DLGAP1: variants seen among roughly 807,000 people sequenced by gnomAD.
The protein encoded by DLGAP1 is disks large-associated protein 1.
Under a neutral mutation model 90.8 loss-of-function variants are expected in DLGAP1, and 11 were observed. The observed-to-expected ratio is 0.12, with a 90% CI of 0.08 to 0.20. The LOEUF (loss-of-function observed/expected upper bound fraction) is 0.20, where lower values mean the gene tolerates loss of function less well. Ranked by LOEUF, DLGAP1 falls within the 10% of genes least tolerant of loss-of-function variation. The pLI is 1.00. For synonymous variants in DLGAP1, 558 were observed against 540.7 expected (o/e 1.03, Z -0.44); for missense variants, 1,050 against 1,333.8 (o/e 0.79, Z 3.31).
At chr18:3,503,544 G>A (rs190006885) in intron 11 of DLGAP1, among the ~76,000 whole-genome samples, 222 of 152,258 alleles carry the variant, frequency 1.5e-3, no homozygotes, top group Middle Eastern at 6.8e-3. Flanking sequence ...ATGATTAGAC[G>A]GGTGGCAGCC....
At chr18:4,109,992 T>G (rs1205531075) in intron 2 of DLGAP1, among the ~76,000 whole-genome samples, 1 of 150,240 alleles carries the variant, frequency 6.7e-6, no homozygotes, top group Non-Finnish European at 1.5e-5. Flanking sequence ...GTTTCACATG[T>G]GTAGAAGATT....
At chr18:4,343,025 G>T (rs1399635888) in intron 1 of DLGAP1, among the ~76,000 whole-genome samples, 2 of 152,114 alleles carry the variant, frequency 1.3e-5, no homozygotes, top group East Asian at 3.9e-4. Context: ...TTGGATTATG[G>T]GGCCGGGCGC....
At chr18:3,944,856 A>C (rs1330444061) in intron 3 of DLGAP1, among the ~76,000 whole-genome samples, 1 of 152,220 alleles carries the variant, frequency 6.6e-6, no homozygotes, top group Non-Finnish European at 1.5e-5. Flanking sequence ...CTTCCGCAAA[A>C]AAAACGATGA....
chr18:4,362,058 G>A (rs1003396963), intron 1 of DLGAP1, among the ~76,000 whole-genome samples: 1 of 152,150 alleles, frequency 6.6e-6, no homozygotes. Flanking sequence ...TATTGGGATG[G>A]CTACTATAAA....
At chr18:3,644,503 CGGGTTCAA>C (rs1567889047) in intron 7 of DLGAP1, among the ~76,000 whole-genome samples, 5 of 151,994 alleles carry the variant, frequency 3.3e-5, no homozygotes, top group African/African-American at 1.2e-4. Context: ...CTCCGCCTCC[CGGGTTCAA>C]GTGATTCTCC....
intron 1 of DLGAP1, among the ~76,000 whole-genome samples, chr18:4,203,871 G>A (rs2077661395): frequency 6.6e-6 from 1 of 152,194 alleles, no homozygotes; most frequent in African/African-American, 2.4e-5. Context: ...GCACAGAAGA[G>A]CAGCTTCCTA....
intron 7 of DLGAP1, among the ~76,000 whole-genome samples, chr18:3,632,192 T>C (rs1371271494): frequency 6.6e-6 from 1 of 152,236 alleles, no homozygotes; most frequent in Non-Finnish European, 1.5e-5. Context: ...TCAGGGATCA[T>C]TTTTCTTCTA....
At chr18:4,254,011 G>A (rs1459219132) in intron 1 of DLGAP1, among the ~76,000 whole-genome samples, 2 of 152,166 alleles carry the variant, frequency 1.3e-5, no homozygotes, top group Non-Finnish European at 2.9e-5. Context: ...CTTCAGTGAA[G>A]TGTTTCCACC....
chr18:3,780,877 C>A (rs1236659969), intron 5 of DLGAP1, among the ~76,000 whole-genome samples: 1 of 114,832 alleles, frequency 8.7e-6, no homozygotes, highest in Admixed American at 1.0e-4. Flanking sequence ...TCTTAGCTCA[C>A]TGGCTCACTG....
intron 2 of DLGAP1, among the ~76,000 whole-genome samples, chr18:4,147,872 G>T (rs563542863): frequency 2.0e-5 from 3 of 152,216 alleles, no homozygotes; most frequent in South Asian, 2.1e-4. Context: ...GTGCCAGCCT[G>T]GATCATTTAG....
intron 10 of DLGAP1, among the ~76,000 whole-genome samples, chr18:3,520,547 C>T: frequency 6.6e-6 from 1 of 152,156 alleles, no homozygotes; most frequent in Non-Finnish European, 1.5e-5. Context: ...CCCTAATCCA[C>T]TACGACTGAT....
intron 1 of DLGAP1, among the ~76,000 whole-genome samples, chr18:4,386,131 C>T (rs926616989): frequency 7.2e-5 from 11 of 152,034 alleles, no homozygotes; most frequent in Non-Finnish European, 2.9e-5. Flanking sequence ...AAGGGGGTGG[C>T]TACAATGATA....
At chr18:4,438,094 G>A (rs1598421674) in intron 1 of DLGAP1, among the ~76,000 whole-genome samples, 1 of 152,050 alleles carries the variant, frequency 6.6e-6, no homozygotes. Context: ...AAACCTTAGC[G>A]CCTCCACAGA....
chr18:4,123,969 T>C (rs574132354), intron 2 of DLGAP1, among the ~76,000 whole-genome samples: 52 of 152,288 alleles, frequency 3.4e-4, no homozygotes, highest in Non-Finnish European at 6.2e-4. Context: ...GAAATTCCCA[T>C]GTTAAAGATG....
At position 3,499,080 on chromosome 18, in the gene DLGAP1, G is replaced by A. The variant is rs2049791968; in HGVS notation, c.*105C>T. On this transcript the variant is annotated 3_prime_UTR_variant, in exon 13 of 13. Transcript: ENST00000315677. This position sits in a 1 kb window ranked among gnomAD's most constrained non-coding sequence, Gnocchi z 6.4. ...CTACACCGCGACAGTGGAAGTCACCGAGCTCGGGAGCGGACGGGCTCGGAG... is the reference window on the plus strand; with the variant it reads ...CTACACCGCGACAGTGGAAGTCACCAAGCTCGGGAGCGGACGGGCTCGGAG... 9.2e-7 allele frequency: 1 copy of A among 1,083,902 alleles called. No individual in the cohort carries two copies. Among genetic ancestry groups the A allele is most frequent in the South Asian group, 1.7e-5 (1 of 58,900 alleles). The allele number at this position is 1,083,902 out of a possible 1,614,324, so 67.1% of individuals were successfully genotyped here.
chr18:4,291,015 T>C (rs957166175), intron 1 of DLGAP1, among the ~76,000 whole-genome samples: 12 of 152,094 alleles, frequency 7.9e-5, no homozygotes, highest in Admixed American at 5.9e-4. Flanking sequence ...AACAAAAGCA[T>C]AGTAAGGGGA....
chr18:3,906,468 C>T (rs1210514547), intron 3 of DLGAP1, among the ~76,000 whole-genome samples: 2 of 152,204 alleles, frequency 1.3e-5, no homozygotes, highest in Non-Finnish European at 2.9e-5. Context: ...CACAGTCAGG[C>T]TGCCTGAAGT....
intron 3 of DLGAP1, among the ~76,000 whole-genome samples, chr18:3,961,811 G>T (rs1225367548): frequency 6.6e-6 from 1 of 152,218 alleles, no homozygotes; most frequent in Non-Finnish European, 1.5e-5. Context: ...GGGCTTGGGG[G>T]CCTGCAGACT....
chr18:4,172,331 T>C (rs1289013157), intron 1 of DLGAP1, among the ~76,000 whole-genome samples: 1 of 152,228 alleles, frequency 6.6e-6, no homozygotes, highest in Non-Finnish European at 1.5e-5. Context: ...TCAAGATAAC[T>C]ACATAAATGC....
Sources: allele counts gnomAD v4.1 joint callset (sites outside exome capture counted in the v4.1 genomes callset), GRCh38; gene constraint gnomAD v4.1.1; non-coding constraint Gnocchi (gnomAD v3.1); transcripts MANE v1.5; gene names NCBI Gene and HGNC (gene_info 2026-07-23, HGNC 2026-07-21).